The following NOD1 variants were observed in gnomAD, a reference collection of about 807,000 sequenced individuals.
The protein encoded by NOD1 is nucleotide binding oligomerization domain containing 1.
In NOD1, 70 loss-of-function variants were observed where a neutral mutation model predicts 81.2. The observed-to-expected ratio is 0.86, with a 90% CI of 0.71 to 1.05. NOD1 has a LOEUF of 1.05. Among genes scored for constraint, NOD1 ranks in the 50% least tolerant of loss-of-function variants. NOD1 has a pLI of 0.00. For missense variants in NOD1, 1,233 were observed against 1,228.0 expected (o/e 1.00, Z -0.06); for synonymous variants, 508 against 526.9 (o/e 0.96, Z 0.49).
chr7:30,428,304 G>A (rs1266686862), intron 13 of NOD1, among the ~76,000 whole-genome samples: 1 of 152,032 alleles, frequency 6.6e-6, no homozygotes, highest in East Asian at 1.9e-4. Flanking sequence ...CAAGAGATCT[G>A]CCCATCTTGG....
At chr7:30,446,918 G>C (rs773415480) in intron 8 of NOD1, 49 bp downstream of exon 8, 1 of 1,378,814 alleles carries the variant, frequency 7.3e-7, no homozygotes, top group East Asian at 2.3e-5. Context: ...ACAACAGAAG[G>C]GGGTGATCAA....
intron 1 of NOD1, among the ~76,000 whole-genome samples, chr7:30,476,750 G>A (rs1788818651): frequency 6.6e-6 from 1 of 152,184 alleles, no homozygotes; most frequent in Admixed American, 6.5e-5. Context: ...GTATTCCAGA[G>A]CCATTAATAC....
intron 13 of NOD1, among the ~76,000 whole-genome samples, chr7:30,427,618 G>A (rs1167453605): frequency 6.6e-6 from 1 of 152,178 alleles, no homozygotes; most frequent in Non-Finnish European, 1.5e-5. Context: ...CACCCATGCC[G>A]CCTGTCCTGC....
intron 1 of NOD1, chr7:30,460,250 G>T: frequency 1.0e-6 from 1 of 985,446 alleles, no homozygotes; most frequent in Non-Finnish European, 1.2e-6. Flanking sequence ...CCATACCATG[G>T]GAGACTGGAG....
intron 4 of NOD1, among the ~76,000 whole-genome samples, chr7:30,455,791 G>A (rs924421461): frequency 1.3e-5 from 2 of 151,966 alleles, no homozygotes; most frequent in Non-Finnish European, 1.5e-5. Context: ...TATTAGAGAC[G>A]GGTTTTCCCC....
At position 30,425,725 on chromosome 7, in the gene NOD1, G is replaced by A; in HGVS notation, c.2790-15C>T. 1 of 1,586,744 alleles carries A rather than the reference G, an allele frequency of 6.3e-7. No homozygotes were observed. The highest frequency in any genetic ancestry group is 8.7e-7 in the Non-Finnish European group (1 of 1,154,950). On this transcript the variant is annotated splice_polypyrimidine_tract_variant and intron_variant, in intron 13 of 13. Coordinates refer to ENST00000222823, the MANE Select transcript of NOD1 (RefSeq NM_006092.4). ...TTCCATTTAGGCTGTTGAAAAGGAG[G>A]AAGACAAAAGTACACAGGTAAAATG...
chr7:30,428,946 G>A (rs1783704611), intron 13 of NOD1, among the ~76,000 whole-genome samples: 1 of 152,206 alleles, frequency 6.6e-6, no homozygotes, highest in African/African-American at 2.4e-5. Flanking sequence ...GTCAGTTCAA[G>A]TCAGCCTGGA....
chr7:30,437,440 G>A (rs1470207192), intron 10 of NOD1, 133 bp downstream of exon 10: 3 of 520,988 alleles, frequency 5.8e-6, no homozygotes, highest in Admixed American at 4.3e-5. Flanking sequence ...TCAAAGAAAG[G>A]TTTGACAAGA....
At chr7:30,476,842 G>A (rs1466927691) in intron 1 of NOD1, among the ~76,000 whole-genome samples, 1 of 152,206 alleles carries the variant, frequency 6.6e-6, no homozygotes, top group Admixed American at 6.5e-5. Flanking sequence ...AGCAGGGCAG[G>A]AGAAGGAATG....
intron 3 of NOD1, among the ~76,000 whole-genome samples, chr7:30,457,827 C>A (rs571619983): frequency 1.3e-5 from 2 of 152,106 alleles, no homozygotes; most frequent in Non-Finnish European, 2.9e-5. Context: ...AAGGAACCTG[C>A]GGACGGTGAT....
chr7:30,455,881 C>T (rs758509177), intron 4 of NOD1, among the ~76,000 whole-genome samples: 6 of 152,156 alleles, frequency 3.9e-5, no homozygotes, highest in Admixed American at 6.5e-5. Flanking sequence ...GGATTACAGG[C>T]GTGAGCCACG....
intron 1 of NOD1, among the ~76,000 whole-genome samples, chr7:30,471,986 C>T (rs1788322727): frequency 6.6e-6 from 1 of 152,174 alleles, no homozygotes. Flanking sequence ...GCCTCAGTTC[C>T]CTCATCTGGA....
intron 12 of NOD1, among the ~76,000 whole-genome samples, chr7:30,431,818 T>C (rs1783978403): frequency 6.6e-6 from 1 of 152,156 alleles, no homozygotes; most frequent in African/African-American, 2.4e-5. Flanking sequence ...AATTAAAAAC[T>C]ATTGGCCAGG....
At chr7:30,457,723 G>GA (rs1316271848) in intron 3 of NOD1, among the ~76,000 whole-genome samples, 6 of 152,136 alleles carry the variant, frequency 3.9e-5, no homozygotes. Context: ...AACTGAGAAA[G>GA]AAAGACCTGT....
chr7:30,475,928 C>T (rs1438882056), intron 1 of NOD1: 1 of 152,174 alleles, frequency 6.6e-6, no homozygotes, highest in Admixed American at 6.5e-5. Context: ...TTCCAGAAAC[C>T]AGGTCAGACC....
intron 2 of NOD1, among the ~76,000 whole-genome samples, chr7:30,459,652 G>C (rs1786799386): frequency 6.6e-6 from 1 of 152,166 alleles, no homozygotes; most frequent in Non-Finnish European, 1.5e-5. Flanking sequence ...TCCAGGGTTG[G>C]GGCCTGTTTT....
At chr7:30,470,751 A>G (rs1282182136) in intron 1 of NOD1, among the ~76,000 whole-genome samples, 1 of 152,176 alleles carries the variant, frequency 6.6e-6, no homozygotes, top group Non-Finnish European at 1.5e-5. Flanking sequence ...AAGTTCCCAA[A>G]ACACTGCACT....
chr7:30,429,234 G>A, intron 13 of NOD1, 140 bp downstream of exon 13: 1 of 762,260 alleles, frequency 1.3e-6, no homozygotes, highest in Non-Finnish European at 2.3e-6. Flanking sequence ...GTCTACCTCT[G>A]TAAAACAGAG....
intron 1 of NOD1, among the ~76,000 whole-genome samples, chr7:30,471,688 A>G (rs1261795973): frequency 6.6e-6 from 1 of 152,234 alleles, no homozygotes; most frequent in Non-Finnish European, 1.5e-5. Context: ...AGCCCTTCCC[A>G]TAGCCAGGGG....
Sources: allele counts gnomAD v4.1 joint callset (sites outside exome capture counted in the v4.1 genomes callset), GRCh38; gene constraint gnomAD v4.1.1; transcripts MANE v1.5; gene names NCBI Gene and HGNC (gene_info 2026-07-23, HGNC 2026-07-21).